Variants in PRELID2 observed in about 807,000 individuals in gnomAD.
The protein encoded by PRELID2 is PRELI domain-containing protein 2.
A neutral mutation model predicts 28.4 loss-of-function variants in PRELID2; 25 were observed. The observed-to-expected ratio is 0.88, with a 90% CI of 0.64 to 1.23. The LOEUF is 1.23. Ranked by LOEUF, PRELID2 falls within the 50% of genes most tolerant of loss-of-function variation. The pLI is 0.00. For missense variants in PRELID2, 201 were observed against 214.4 expected, an observed-to-expected ratio of 0.94 and a Z score of 0.39; for synonymous variants, 76 against 71.6, an observed-to-expected ratio of 1.06 and a Z score of -0.31.
At chr5:145,444,656 A>C in the PRELID2 span, among the ~76,000 whole-genome samples, 2 of 151,974 alleles carry the variant, frequency 1.3e-5, no homozygotes, top group African/African-American at 4.8e-5. Context: ...ACTAACTAAG[A>C]GAATAAAACT....
chr5:145,580,456 C>T lies in PRELID2; in HGVS notation n.71-107141G>A, dbSNP rs546956403. On this transcript the variant is annotated intron_variant and non_coding_transcript_variant, in intron 1 of 2. Transcript: ENST00000510259. ...ATTCTGGATCATGATTTTTCTATAC[C>T]ATTCCCTAACATGTGGCTCAGAGGC... Among the ~76,000 whole-genome samples, 14 of 152,082 alleles carry T rather than the reference C, an allele frequency of 9.2e-5. No individual in the cohort carries two copies. In the East Asian group the frequency reaches 2.1e-3, roughly 23 times the overall value.
chr5:145,644,088 A>G (rs6861872), intron 1 of PRELID2, among the ~76,000 whole-genome samples: 33,221 of 152,042 alleles, frequency 0.22, 6,842 homozygotes, highest in African/African-American at 0.54. Context: ...AGAAGGAATG[A>G]TACCAGCTCC....
chr5:145,779,354 A>C (rs1439451329), intron 5 of PRELID2, among the ~76,000 whole-genome samples: 2 of 152,188 alleles, frequency 1.3e-5, no homozygotes, highest in African/African-American at 4.8e-5. Flanking sequence ...CAAAAATATG[A>C]AAGGTTATAT....
At chr5:145,770,846 G>A (rs184676677) in intron 5 of PRELID2, among the ~76,000 whole-genome samples, 7 of 152,112 alleles carry the variant, frequency 4.6e-5, no homozygotes, top group African/African-American at 1.4e-4. Context: ...TTAAGCTAAC[G>A]GTTATAACAA....
intron 1 of PRELID2, among the ~76,000 whole-genome samples, chr5:145,669,805 C>A (rs1754669617): frequency 6.6e-6 from 1 of 152,064 alleles, no homozygotes; most frequent in South Asian, 2.1e-4. Context: ...GGGAATTCTT[C>A]TTCTACTGTC....
intron 1 of PRELID2, among the ~76,000 whole-genome samples, chr5:145,643,715 A>G (rs1754148666): frequency 6.6e-6 from 1 of 152,120 alleles, no homozygotes; most frequent in African/African-American, 2.4e-5. Flanking sequence ...GAGAGTTTTT[A>G]GCATGAAGGG....
At chr5:145,423,183 T>A in the PRELID2 span, among the ~76,000 whole-genome samples, 1 of 151,980 alleles carries the variant, frequency 6.6e-6, no homozygotes, top group Non-Finnish European at 1.5e-5. Flanking sequence ...TTCCTTCATT[T>A]CCACTTTGGT....
At chr5:145,395,339 TAA>T in the PRELID2 span, among the ~76,000 whole-genome samples, 1 of 152,090 alleles carries the variant, frequency 6.6e-6, no homozygotes, top group African/African-American at 2.4e-5. Flanking sequence ...AGTTTGACAC[TAA>T]AAAGACTGGG....
At chr5:145,248,880 C>A in the PRELID2 span, among the ~76,000 whole-genome samples, 4 of 152,218 alleles carry the variant, frequency 2.6e-5, no homozygotes, top group Admixed American at 2.6e-4. Context: ...CTCACTGAAG[C>A]AATAATCAGG....
chr5:145,711,449 C>T (rs528855109), intron 1 of PRELID2, among the ~76,000 whole-genome samples: 24 of 152,244 alleles, frequency 1.6e-4, no homozygotes, highest in Admixed American at 9.8e-4. Flanking sequence ...TTGGATAAGA[C>T]CATCTGAACC....
the PRELID2 span, among the ~76,000 whole-genome samples, chr5:145,267,097 C>A: frequency 6.6e-6 from 1 of 152,020 alleles, no homozygotes; most frequent in African/African-American, 2.4e-5. Context: ...AGCCGAGGAG[C>A]AAAGAAAGCC....
At chr5:145,676,782 A>C (rs1048935523) in intron 1 of PRELID2, among the ~76,000 whole-genome samples, 1 of 152,204 alleles carries the variant, frequency 6.6e-6, no homozygotes, top group Non-Finnish European at 1.5e-5. Flanking sequence ...TCTGGTTATC[A>C]ATTTATAGAA....
the PRELID2 span, among the ~76,000 whole-genome samples, chr5:145,453,409 C>G: frequency 6.6e-6 from 1 of 152,170 alleles, no homozygotes; most frequent in Non-Finnish European, 1.5e-5. Context: ...GCAGTTCACT[C>G]TACTCTCCTG....
chr5:145,476,263 A>G (rs1056945991), intron 1 of PRELID2, among the ~76,000 whole-genome samples: 8 of 152,258 alleles, frequency 5.3e-5, no homozygotes, highest in Admixed American at 1.3e-4. Flanking sequence ...GAGACAATCA[A>G]TTCTAAAGTT....
intron 1 of PRELID2, among the ~76,000 whole-genome samples, chr5:145,617,320 T>C (rs946671716): frequency 1.3e-5 from 2 of 152,194 alleles, no homozygotes; most frequent in Admixed American, 6.5e-5. Flanking sequence ...ACTGGGGAAG[T>C]GGTAAGTGTC....
the PRELID2 span, among the ~76,000 whole-genome samples, chr5:145,434,910 C>T: frequency 6.6e-6 from 1 of 152,160 alleles, no homozygotes; most frequent in East Asian, 1.9e-4. Context: ...GAAGAAGACT[C>T]AGGTTCAATC....
chr5:145,724,456 A>G (rs1291030903), intron 1 of PRELID2, among the ~76,000 whole-genome samples: 3 of 151,420 alleles, frequency 2.0e-5, no homozygotes, highest in African/African-American at 7.3e-5. Context: ...TACCAATATT[A>G]AGGTGATTGG....
At position 145,759,736 on chromosome 5, in the gene PRELID2, T is replaced by C. The variant is rs994682178; in HGVS notation, c.*800A>G. ...CCCTGCACAAAATTACCTTCTTTAA[T>C]CATCATAACGCATTGGCGGAAAGAC... is the stretch of plus-strand genomic sequence containing the variant. On this transcript the variant is annotated 3_prime_UTR_variant, in exon 7 of 7. Coordinates refer to ENST00000683046, the MANE Select transcript of PRELID2 (RefSeq NM_205846.3). The C allele has an allele frequency of 5.3e-5, 8 of 152,262 alleles. No homozygotes were observed. The highest frequency in any genetic ancestry group is 1.9e-4 in the African/African-American group (8 of 41,478). 9.4% of individuals were successfully genotyped at this position (152,262 alleles called of 1,614,324 possible). A position where few individuals can be genotyped will look rare whatever the true frequency, so the allele number is the denominator to read the frequency against.
intron 1 of PRELID2, among the ~76,000 whole-genome samples, chr5:145,503,662 T>C (rs959507695): frequency 1.3e-5 from 2 of 152,192 alleles, no homozygotes; most frequent in Non-Finnish European, 2.9e-5. Context: ...GTCCTGTGCA[T>C]TGAATCATCA....
Sources: allele counts gnomAD v4.1 joint callset (sites outside exome capture counted in the v4.1 genomes callset), GRCh38; gene constraint gnomAD v4.1.1; transcripts MANE v1.5; gene names NCBI Gene and HGNC (gene_info 2026-07-23, HGNC 2026-07-21).